The following ZNF516 variants were observed in gnomAD, a reference collection of about 807,000 sequenced individuals.
ZNF516 encodes zinc finger protein 516.
A neutral mutation model predicts 79.7 loss-of-function variants in ZNF516; 19 were observed. The ratio of observed to expected loss-of-function variants is 0.24; its 90% CI spans 0.17 to 0.35. The LOEUF is 0.35. Among genes scored for constraint, ZNF516 ranks in the 10% least tolerant of loss-of-function variants. The probability of loss-of-function intolerance (pLI) is 1.00; values close to 1 mark genes in which losing one functional copy is unlikely to be tolerated. For missense variants in ZNF516, 1,678 were observed against 1,679.5 expected (o/e 1.00, Z 0.02); for synonymous variants, 877 against 739.5 (o/e 1.19, Z -3.02).
At chr18:76,385,309 A>C (rs1268808960) in intron 3 of ZNF516, among the ~76,000 whole-genome samples, 2 of 152,332 alleles carry the variant, frequency 1.3e-5, no homozygotes, top group East Asian at 1.9e-4. Flanking sequence ...CACACCGCCG[A>C]CAAGCATGTT....
chr18:76,470,873 C>T (rs1050974945), intron 1 of ZNF516, among the ~76,000 whole-genome samples: 2 of 152,130 alleles, frequency 1.3e-5, no homozygotes, highest in African/African-American at 4.8e-5. Flanking sequence ...AAAAGTTAGC[C>T]TGGCATGGTG....
At chr18:76,494,549 G>A (rs1392269667) in intron 1 of ZNF516, among the ~76,000 whole-genome samples, 5 of 149,512 alleles carry the variant, frequency 3.3e-5, no homozygotes, top group Admixed American at 2.7e-4. Context: ...CAAGCAGCCG[G>A]GGAGGGGGCC....
chr18:76,475,765 A>G (rs1914137575), intron 1 of ZNF516, among the ~76,000 whole-genome samples: 1 of 152,188 alleles, frequency 6.6e-6, no homozygotes, highest in African/African-American at 2.4e-5. Flanking sequence ...CACCCTACAC[A>G]TGCCTTAAAG....
rs774210350 is a variant in ZNF516 at position 76,441,231 on chromosome 18, G to A, written c.1810+14C>T. The stretch of plus-strand genomic sequence containing the variant: ...GGATCCCAGGACCCAGGCCACCTGG[G>A]TACACTTGCTCACCTGGTGCAGGTT... On this transcript the variant is annotated intron_variant, in intron 3 of 6. Coordinates refer to ENST00000443185, the MANE Select transcript of ZNF516 (RefSeq NM_014643.4). The A allele has an allele frequency of 6.2e-7, 1 of 1,606,254 alleles. No homozygotes were observed.
chr18:76,431,657 T>C (rs2075663163), intron 3 of ZNF516, among the ~76,000 whole-genome samples: 1 of 152,200 alleles, frequency 6.6e-6, no homozygotes, highest in South Asian at 2.1e-4. Context: ...TCACGCGAGA[T>C]CTGGCGGTTT....
intron 6 of ZNF516, among the ~76,000 whole-genome samples, chr18:76,370,040 C>T (rs2074677290): frequency 6.6e-6 from 1 of 152,232 alleles, no homozygotes; most frequent in African/African-American, 2.4e-5. Flanking sequence ...CAGACACAGG[C>T]ACACAGCTAC....
chr18:76,489,589 A>G (rs1326888934), intron 1 of ZNF516, among the ~76,000 whole-genome samples: 1 of 107,472 alleles, frequency 9.3e-6, no homozygotes, highest in African/African-American at 3.5e-5. Context: ...CATCTTACAA[A>G]AAAAAAAAAA....
chr18:76,367,026 G>T (rs907245283), intron 6 of ZNF516, among the ~76,000 whole-genome samples: 3 of 152,140 alleles, frequency 2.0e-5, no homozygotes, highest in African/African-American at 7.2e-5. Flanking sequence ...CTATAAACCC[G>T]TATCTTCGCC....
At chr18:76,452,736 C>T (rs1192142371) in intron 2 of ZNF516, among the ~76,000 whole-genome samples, 2 of 152,192 alleles carry the variant, frequency 1.3e-5, no homozygotes, top group African/African-American at 4.8e-5. Context: ...CCTTGAACAT[C>T]ACCAGTATGA....
intron 1 of ZNF516, among the ~76,000 whole-genome samples, chr18:76,464,530 G>A (rs1913329750): frequency 6.6e-6 from 1 of 152,262 alleles, no homozygotes; most frequent in Non-Finnish European, 1.5e-5. Flanking sequence ...GCAGGGTGAT[G>A]CGCAGTGATA....
chr18:76,485,875 A>C (rs866689672), intron 1 of ZNF516, among the ~76,000 whole-genome samples: 43 of 151,794 alleles, frequency 2.8e-4, no homozygotes, highest in African/African-American at 1.0e-3. Context: ...CTTTAAAAAA[A>C]AAAAAAAAAG....
At chr18:76,381,559 G>A (rs2074892887) in intron 3 of ZNF516, among the ~76,000 whole-genome samples, 1 of 152,174 alleles carries the variant, frequency 6.6e-6, no homozygotes, top group African/African-American at 2.4e-5. Flanking sequence ...TAACACTTAG[G>A]AATCCCAACA....
In ZNF516 at chr18:76,371,452, G is replaced by C; in HGVS notation, c.3364+15C>G. ...CTCTGCTCCCCTTGGGGATAGCTGG[G>C]CGGGAGGGCGATACCTGAGTGTGCC... On this transcript the variant is annotated intron_variant, in intron 5 of 6. Transcript: ENST00000443185. 6.3e-7 allele frequency: 1 copy of C among 1,599,444 alleles called. No individual in the cohort carries two copies. Among genetic ancestry groups the C allele is most frequent in the Non-Finnish European group, 8.5e-7 (1 of 1,177,548 alleles).
At chr18:76,437,246 G>A (rs975357799) in intron 3 of ZNF516, among the ~76,000 whole-genome samples, 1 of 152,170 alleles carries the variant, frequency 6.6e-6, no homozygotes, top group Non-Finnish European at 1.5e-5. Flanking sequence ...CGGACAGCCA[G>A]CCAGCCTCCA....
Position 76,459,814 on chromosome 18 carries a change from C to T in ZNF516, c.-158+3214G>A, listed in dbSNP as rs997066012. Among the ~76,000 whole-genome samples, 3 of 151,714 alleles carry T rather than the reference C, an allele frequency of 2.0e-5. No homozygotes were observed. The highest frequency in any genetic ancestry group is 1.5e-5 in the Non-Finnish European group (1 of 67,960). ...GCAGGCCCCCGGAGACGAGGTTAGACGGTGGCAGGCAGGCTAAGAACAGGC... is the reference window on the plus strand; with the variant it reads ...GCAGGCCCCCGGAGACGAGGTTAGATGGTGGCAGGCAGGCTAAGAACAGGC... On this transcript the variant is annotated intron_variant, in intron 2 of 6. Transcript: ENST00000443185. The surrounding 1 kb of genome is among the most constrained non-coding windows in gnomAD (Gnocchi z 5.0).
intron 3 of ZNF516, among the ~76,000 whole-genome samples, chr18:76,429,773 G>A (rs1423066789): frequency 6.6e-6 from 1 of 152,224 alleles, no homozygotes; most frequent in Non-Finnish European, 1.5e-5. Context: ...GACCCAGAAT[G>A]GAAAATGATG....
chr18:76,413,027 A>G (rs1228490905), intron 3 of ZNF516, among the ~76,000 whole-genome samples: 2 of 152,218 alleles, frequency 1.3e-5, no homozygotes. Context: ...GAGACACTGC[A>G]CCTGCCAAGG....
chr18:76,487,562 T>C (rs1914901101), intron 1 of ZNF516, among the ~76,000 whole-genome samples: 1 of 152,228 alleles, frequency 6.6e-6, no homozygotes, highest in Non-Finnish European at 1.5e-5. Flanking sequence ...TTCCTCCTCC[T>C]CCCATAAGGT....
chr18:76,433,448 C>A (rs192619535), intron 3 of ZNF516, among the ~76,000 whole-genome samples: 1 of 152,330 alleles, frequency 6.6e-6, no homozygotes. Context: ...AGAGGGTCAT[C>A]CTGCCTGAAA....
Sources: allele counts gnomAD v4.1 joint callset (sites outside exome capture counted in the v4.1 genomes callset), GRCh38; gene constraint gnomAD v4.1.1; non-coding constraint Gnocchi (gnomAD v3.1); transcripts MANE v1.5; gene names NCBI Gene and HGNC (gene_info 2026-07-23, HGNC 2026-07-21).